Variants in CHST9 observed in about 807,000 individuals in gnomAD.
The protein encoded by CHST9 is GalNAc-4-sulfotransferase 2.
In CHST9, 41 loss-of-function variants were observed where a neutral mutation model predicts 44.4. The ratio of observed to expected loss-of-function variants is 0.92; its 90% CI spans 0.72 to 1.20. CHST9 has a LOEUF of 1.20. CHST9 is among the 50% of genes most tolerant of loss of function. The pLI is 0.00. For missense variants in CHST9, 504 were observed against 516.5 expected (o/e 0.98, Z 0.23); for synonymous variants, 171 against 178.4 (o/e 0.96, Z 0.33).
chr18:26,975,725 GTA>G (rs59671204), intron 4 of CHST9, among the ~76,000 whole-genome samples: 3,669 of 101,400 alleles, frequency 0.036, 66 homozygotes, highest in Middle Eastern at 0.043. Flanking sequence ...GTGTGTGTGT[GTA>G]TATATATATA....
intron 2 of CHST9, among the ~76,000 whole-genome samples, chr18:27,068,884 C>T (rs1011513323): frequency 6.6e-6 from 1 of 152,180 alleles, no homozygotes; most frequent in African/African-American, 2.4e-5. Context: ...ATGGAATCAG[C>T]TCCTCCTCAC....
At chr18:26,948,155 C>CCAAA (rs2056192352) in intron 4 of CHST9, among the ~76,000 whole-genome samples, 1 of 152,080 alleles carries the variant, frequency 6.6e-6, no homozygotes, top group Admixed American at 6.5e-5. Context: ...GAACAGAAAA[C>CCAAA]CAAACACCTC....
intron 1 of CHST9, among the ~76,000 whole-genome samples, chr18:27,175,151 CAT>C (rs2058858738): frequency 6.6e-6 from 1 of 152,000 alleles, no homozygotes. Context: ...TAATTTATAA[CAT>C]AGACTTTTAT....
intron 1 of CHST9, among the ~76,000 whole-genome samples, chr18:27,160,939 G>A (rs2058741438): frequency 6.6e-6 from 1 of 152,178 alleles, no homozygotes; most frequent in African/African-American, 2.4e-5. Flanking sequence ...TTGTATATCT[G>A]TGGGATCGGT....
intron 4 of CHST9, among the ~76,000 whole-genome samples, chr18:26,957,784 T>TA (rs1481901041): frequency 6.6e-6 from 1 of 152,194 alleles, no homozygotes; most frequent in Non-Finnish European, 1.5e-5. Flanking sequence ...TGTATGCATA[T>TA]ACTCACACCT....
intron 2 of CHST9, among the ~76,000 whole-genome samples, chr18:27,096,206 A>C (rs749746538): frequency 6.6e-6 from 1 of 152,164 alleles, no homozygotes; most frequent in East Asian, 1.9e-4. Context: ...AATGAAATCA[A>C]GGCAGAAATT....
At chr18:27,016,802 A>G (rs2016146) in intron 4 of CHST9, among the ~76,000 whole-genome samples, 98,282 of 152,026 alleles carry the variant, frequency 0.65, 32,232 homozygotes, top group African/African-American at 0.74. Flanking sequence ...TAGTATGCAC[A>G]TATGATATTA....
chr18:27,082,036 T>C (rs1210081167), intron 2 of CHST9, among the ~76,000 whole-genome samples: 1 of 152,204 alleles, frequency 6.6e-6, no homozygotes, highest in Non-Finnish European at 1.5e-5. Context: ...TGAGGGTAAG[T>C]GGTACCTAAG....
At chr18:27,101,826 C>A (rs958429950) in intron 2 of CHST9, among the ~76,000 whole-genome samples, 2 of 152,070 alleles carry the variant, frequency 1.3e-5, no homozygotes, top group South Asian at 2.1e-4. Context: ...ACAAAATGCT[C>A]TTAGTCATCA....
chr18:27,134,463 C>A (rs2058497354), intron 2 of CHST9, among the ~76,000 whole-genome samples: 1 of 152,034 alleles, frequency 6.6e-6, no homozygotes, highest in Non-Finnish European at 1.5e-5. Flanking sequence ...TGTTTATGTG[C>A]TTAAACAAAA....
chr18:26,929,406 T>C (rs2055835343), intron 5 of CHST9, among the ~76,000 whole-genome samples: 2 of 152,234 alleles, frequency 1.3e-5, no homozygotes, highest in African/African-American at 2.4e-5. Flanking sequence ...GTACCTGACA[T>C]ATAGTGTCTG....
intron 4 of CHST9, among the ~76,000 whole-genome samples, chr18:26,962,375 C>T (rs1436753480): frequency 1.3e-5 from 2 of 151,570 alleles, no homozygotes; most frequent in African/African-American, 4.9e-5. Flanking sequence ...ACTGCAACCT[C>T]TGCCTCCTGG....
At chr18:27,029,691 T>C (rs181685329) in intron 3 of CHST9, among the ~76,000 whole-genome samples, 238 of 152,324 alleles carry the variant, frequency 1.6e-3, no homozygotes, top group Non-Finnish European at 2.9e-3. Flanking sequence ...ATATAAATGC[T>C]ATGTTCATAG....
At chr18:27,136,141 T>G (rs948205747) in intron 2 of CHST9, among the ~76,000 whole-genome samples, 2 of 152,218 alleles carry the variant, frequency 1.3e-5, no homozygotes, top group Non-Finnish European at 2.9e-5. Context: ...CATTGAAGTT[T>G]GAGAACAACT....
chr18:27,100,026 T>TATATATACACACACAC (rs957274864), intron 2 of CHST9, among the ~76,000 whole-genome samples: 12 of 151,982 alleles, frequency 7.9e-5, no homozygotes, highest in African/African-American at 2.9e-4. Flanking sequence ...TAATGATATA[T>TATATATACACACACAC]ATATATATAC....
At chr18:27,088,514 C>A (rs2058035131) in intron 2 of CHST9, among the ~76,000 whole-genome samples, 1 of 151,926 alleles carries the variant, frequency 6.6e-6, no homozygotes, top group Non-Finnish European at 1.5e-5. Context: ...CCTGCCTCAG[C>A]CTCCCCAGTA....
At chr18:27,012,570 T>G (rs1489994812) in intron 4 of CHST9, among the ~76,000 whole-genome samples, 16 of 152,142 alleles carry the variant, frequency 1.1e-4, no homozygotes, top group Admixed American at 1.0e-3. Context: ...TCCATACAGT[T>G]TAAACCCATG....
At chr18:26,955,228 T>G (rs571567575) in intron 4 of CHST9, among the ~76,000 whole-genome samples, 24 of 151,350 alleles carry the variant, frequency 1.6e-4, no homozygotes, top group Admixed American at 2.6e-4. Flanking sequence ...AATTCTGTTT[T>G]TTTTTTTTTT....
intron 4 of CHST9, among the ~76,000 whole-genome samples, chr18:27,018,664 A>G (rs903665063): frequency 6.6e-6 from 1 of 150,822 alleles, no homozygotes; most frequent in Admixed American, 6.6e-5. Flanking sequence ...TTTAAAAAAT[A>G]TCATCATGTT....
Sources: allele counts gnomAD v4.1 joint callset (sites outside exome capture counted in the v4.1 genomes callset), GRCh38; gene constraint gnomAD v4.1.1; transcripts MANE v1.5; gene names NCBI Gene and HGNC (gene_info 2026-07-23, HGNC 2026-07-21).